The following CCDC6 variants were observed in gnomAD, a reference collection of about 807,000 sequenced individuals.
CCDC6 encodes coiled-coil domain containing 6.
A neutral mutation model predicts 56.6 loss-of-function variants in CCDC6; 20 were observed. The observed-to-expected ratio is 0.35, with a 90% CI of 0.25 to 0.51. CCDC6 has a LOEUF of 0.51. Ranked by LOEUF, CCDC6 falls within the 20% of genes least tolerant of loss-of-function variation. The pLI is 0.95. For synonymous variants in CCDC6, 241 were observed against 234.4 expected (o/e 1.03, Z -0.26); for missense variants, 367 against 601.1 (o/e 0.61, Z 4.07).
chr10:59,858,620 CA>C (rs2071098542), intron 1 of CCDC6, among the ~76,000 whole-genome samples: 5 of 152,174 alleles, frequency 3.3e-5, no homozygotes, highest in African/African-American at 1.2e-4. Flanking sequence ...CTGCAGTGGA[CA>C]GACACATGTC....
intron 4 of CCDC6, 57 bp downstream of exon 4, chr10:59,814,595 C>T (rs1415264591): frequency 2.0e-6 from 2 of 979,638 alleles, no homozygotes; most frequent in Admixed American, 1.8e-5. Context: ...ACACCCAGAG[C>T]AGCAACACAC....
At chr10:59,799,897 A>G (rs559041556) in intron 7 of CCDC6, among the ~76,000 whole-genome samples, 1 of 152,312 alleles carries the variant, frequency 6.6e-6, no homozygotes, top group South Asian at 2.1e-4. Context: ...CATGAGGATG[A>G]AAGGAGATAA....
intron 4 of CCDC6, 145 bp downstream of exon 4, chr10:59,814,507 A>G (rs2070696849): frequency 1.7e-6 from 1 of 583,422 alleles, no homozygotes; most frequent in South Asian, 2.4e-5. Context: ...GAAGGCTTTC[A>G]ACATTTTTTT....
chr10:59,883,456 C>T (rs2071361451), intron 1 of CCDC6, among the ~76,000 whole-genome samples: 1 of 152,216 alleles, frequency 6.6e-6, no homozygotes, highest in Admixed American at 6.5e-5. Context: ...AATGCTAATA[C>T]CATTCATGGC....
intron 7 of CCDC6, 98 bp from the exon 8 acceptor site, chr10:59,794,695 C>T: frequency 2.1e-6 from 2 of 940,604 alleles, no homozygotes; most frequent in Non-Finnish European, 3.3e-6. Flanking sequence ...CTCTATCACC[C>T]ACAAAAATAC....
intron 6 of CCDC6, chr10:59,805,591 G>A (rs972474959): frequency 6.6e-6 from 1 of 152,166 alleles, no homozygotes; most frequent in African/African-American, 2.4e-5. Flanking sequence ...TGTATCTGAA[G>A]ATAGTTAATA....
chr10:59,837,759 A>T lies in CCDC6; in HGVS notation c.454-5106T>A, dbSNP rs577157609. Among the ~76,000 whole-genome samples, 2 of 148,688 alleles carry T rather than the reference A, an allele frequency of 1.3e-5. 1 individual carries two copies. Among genetic ancestry groups the T allele is most frequent in the South Asian group, 4.3e-4 (2 of 4,652 alleles). On this transcript the variant is annotated intron_variant, in intron 2 of 8. Transcript: ENST00000263102. ...GAGACTCTGTCTCAAAAAAAAAAAA[A>T]AAAAAAAAAAAGAAAGAAGAAGAAG... is the stretch of plus-strand genomic sequence containing the variant.
chr10:59,819,720 C>T (rs12242795), intron 3 of CCDC6, among the ~76,000 whole-genome samples: 3 of 152,102 alleles, frequency 2.0e-5, no homozygotes, highest in Non-Finnish European at 4.4e-5. Context: ...CTTCCACATC[C>T]TTCCTAGTAT....
chr10:59,896,440 C>G (rs1332567472), intron 1 of CCDC6, among the ~76,000 whole-genome samples: 2 of 151,936 alleles, frequency 1.3e-5, no homozygotes, highest in Non-Finnish European at 2.9e-5. Context: ...TGCTGAGTGA[C>G]AGAAAAGAAC....
At chr10:59,793,367 C>T (rs951840051) in intron 8 of CCDC6, among the ~76,000 whole-genome samples, 5 of 152,216 alleles carry the variant, frequency 3.3e-5, no homozygotes, top group Non-Finnish European at 7.3e-5. Flanking sequence ...GGACTTGGGT[C>T]CTTCAACGAG....
chr10:59,828,881 G>A (rs12261686), intron 3 of CCDC6, among the ~76,000 whole-genome samples: 15,066 of 152,150 alleles, frequency 0.099, 1,024 homozygotes, highest in African/African-American at 0.18. Context: ...CCCCACTAGC[G>A]TCTGGGGAAA....
intron 3 of CCDC6, among the ~76,000 whole-genome samples, 193 bp downstream of exon 3, chr10:59,832,332 A>G (rs937886577): frequency 2.2e-4 from 34 of 152,248 alleles, no homozygotes; most frequent in African/African-American, 7.2e-4. Context: ...GTGGTTAAAA[A>G]AGAGAAAATG....
At chr10:59,892,102 C>A (rs146103336) in intron 1 of CCDC6, among the ~76,000 whole-genome samples, 1 of 152,322 alleles carries the variant, frequency 6.6e-6, no homozygotes, top group East Asian at 1.9e-4. Context: ...GTTCTTTAAA[C>A]CAGCAGCTAA....
At chr10:59,803,852 T>A (rs2070596677) in intron 7 of CCDC6, among the ~76,000 whole-genome samples, 1 of 152,196 alleles carries the variant, frequency 6.6e-6, no homozygotes, top group Non-Finnish European at 1.5e-5. Flanking sequence ...CACCAATCAC[T>A]GGAAATATCA....
chr10:59,868,478 T>A (rs1339508542), intron 1 of CCDC6, among the ~76,000 whole-genome samples: 1 of 152,136 alleles, frequency 6.6e-6, no homozygotes, highest in African/African-American at 2.4e-5. Flanking sequence ...TTCAGCTCAC[T>A]GCCACTGGAC....
intron 2 of CCDC6, among the ~76,000 whole-genome samples, chr10:59,850,266 G>A (rs2071026443): frequency 1.3e-5 from 2 of 152,204 alleles, no homozygotes; most frequent in Admixed American, 6.5e-5. Flanking sequence ...GGACAGTGCT[G>A]ACGGCTGCAC....
intron 1 of CCDC6, among the ~76,000 whole-genome samples, chr10:59,900,867 C>T (rs1271419173): frequency 6.6e-6 from 1 of 152,104 alleles, no homozygotes; most frequent in Non-Finnish European, 1.5e-5. Flanking sequence ...TGAGACCAGC[C>T]TGGACAACAT....
At chr10:59,812,608 A>T in intron 5 of CCDC6, 27 bp downstream of exon 5, 26 of 1,555,726 alleles carry the variant, frequency 1.7e-5, no homozygotes, top group Non-Finnish European at 2.2e-5. Flanking sequence ...TACAGGCATG[A>T]AACTAGTGAA....
intron 1 of CCDC6, among the ~76,000 whole-genome samples, chr10:59,890,888 A>T (rs557242255): frequency 2.0e-5 from 3 of 151,424 alleles, no homozygotes; most frequent in African/African-American, 7.3e-5. Context: ...CTCCTCCCCC[A>T]ACCCCACGAC....
Sources: gnomAD v4.1 joint callset for allele counts (sites outside exome capture counted in the v4.1 genomes callset) on GRCh38, gnomAD v4.1.1 for gene constraint, MANE v1.5 for transcripts, NCBI Gene and HGNC (gene_info 2026-07-23, HGNC 2026-07-21) for gene names.